Variants in FOXF1 observed in about 807,000 individuals in gnomAD.
FOXF1 encodes the protein forkhead box F1.
Under a neutral mutation model 26.6 loss-of-function variants are expected in FOXF1, and 9 were observed. The observed-to-expected ratio is 0.34, with a 90% CI of 0.20 to 0.59. The LOEUF is 0.59. FOXF1 is among the 20% of genes least tolerant of loss of function. The pLI, the probability that FOXF1 is intolerant of heterozygous loss-of-function variation, is 0.83. For synonymous variants in FOXF1, 330 were observed against 257.7 expected (o/e 1.28, Z -2.69); for missense variants, 499 against 549.9 (o/e 0.91, Z 0.93).
rs1969595847 is a variant in FOXF1, at chr16:86,513,198, C to T, written c.*113C>T. ...AACCGTCGGCAGAAGAAAAGGGTTC[C>T]ACCTCTCCCCAACCGGAGTTTTTGG... On this transcript the variant is annotated 3_prime_UTR_variant, in exon 2 of 2. Transcript: ENST00000262426. The T allele has an allele frequency of 8.6e-7, 1 of 1,164,676 alleles. No homozygotes were observed. The highest frequency in any genetic ancestry group is 1.2e-6 in the Non-Finnish European group (1 of 817,466). 72.1% of individuals were successfully genotyped at this position (1,164,676 alleles called of 1,614,324 possible).
rs1351554601 is a variant in FOXF1 at position 86,510,629 on chromosome 16, G to GGGA, written c.63_65dup (p.Gly23dup). ...ACGGCGGCGGCGGCGGCGGCGGCGG[G>GGGA]GGAGGCGGCGCGGCCATGGACCCCG... is the stretch of plus-strand genomic sequence containing the variant. On this transcript the variant is annotated inframe_insertion, in exon 1 of 2. Transcript: ENST00000262426. The GGGA allele has an allele frequency of 7.1e-7, 1 of 1,402,710 alleles. No homozygotes were observed. Among genetic ancestry groups the GGGA allele is most frequent in the African/African-American group, 1.5e-5 (1 of 66,048 alleles). The allele number at this position is 1,402,710 out of a possible 1,614,324, so 86.9% of individuals were successfully genotyped here.
In FOXF1 at chr16:86,510,654, G is replaced by T. The variant is rs373503439; in HGVS notation, c.85G>T (p.Ala29Ser). 53 of 1,600,108 alleles carry T rather than the reference G, an allele frequency of 3.3e-5. No individual in the cohort carries two copies. The highest frequency in any genetic ancestry group is 2.5e-4 in the Admixed American group (15 of 58,958). The change falls in exon 1 of 2, where the codon GCG (alanine) becomes TCG (serine). Residue 29 changes from alanine to serine, a missense_variant. Transcript: ENST00000262426. The stretch of plus-strand genomic sequence containing the variant: ...GGGAGGCGGCGCGGCCATGGACCCC[G>T]CGTCGTCCGGCCCGTCCAAGGCCAA... ...GGGGGAAMDP[A>S]SSGPSKAKKT...
rs1031206293 is a variant in FOXF1 at position 86,510,833 on chromosome 16, C to T, written c.264C>T (p.Ser88=). The T allele has an allele frequency of 1.5e-5, 25 of 1,614,004 alleles. No individual in the cohort carries two copies. Among genetic ancestry groups the T allele is most frequent in the Non-Finnish European group, 2.1e-5 (25 of 1,180,040 alleles). The change falls in exon 1 of 2, where the codon TCC becomes TCT. Residue 88 remains serine (S), a synonymous_variant. Transcript: ENST00000262426. ...GCCGCTTCCCCTTCTTCCGGGGCTC[C>T]TACCAGGGCTGGAAGAACTCCGTGC... The part of the protein sequence containing the change: ...LQSRFPFFRG[S]YQGWKNSVRH...
chr16:86,511,060 A>G lies in FOXF1; in HGVS notation c.491A>G (p.Asn164Ser), dbSNP rs1411599195. 2.5e-6 allele frequency: 4 copies of G among 1,610,532 alleles called. No individual in the cohort carries two copies. The highest frequency in any genetic ancestry group is 2.2e-5 in the South Asian group (2 of 91,076). ...MYSMMNGLGF[N>S]HLPDTYGFQG... ...AGCATGATGAACGGGCTCGGCTTCA[A>G]CCACCTCCCGGACACCTACGGCTTC... The change falls in exon 1 of 2, where the codon AAC becomes AGC. Residue 164 changes from asparagine (N) to serine (S), a missense_variant. Around this residue, in one of 5 missense-constraint regions of FOXF1, gnomAD observed 367 missense variants for 324.8 expected, o/e 1.13. Transcript: ENST00000262426.
chr16:86,510,604 A>ACGG lies in FOXF1; in HGVS notation c.57_59dup (p.Gly23dup), dbSNP rs574179816. On this transcript the variant is annotated inframe_insertion, in exon 1 of 2. Coordinates refer to ENST00000262426, the MANE Select transcript of FOXF1 (RefSeq NM_001451.3). ...GCGCCCGAGAAGCAGCAGCCACCGCACGGCGGCGGCGGCGGCGGCGGCGGG... is the reference window on the plus strand; with the variant it reads ...GCGCCCGAGAAGCAGCAGCCACCGCACGGCGGCGGCGGCGGCGGCGGCGGCGGG... The ACGG allele has an allele frequency of 1.7e-3, 2,346 of 1,379,102 alleles. 2 individuals are homozygous for ACGG. The highest frequency in any genetic ancestry group is 4.2e-3 in the East Asian group (142 of 33,614). 85.4% of individuals were successfully genotyped at this position (1,379,102 alleles called of 1,614,324 possible).
chr16:86,512,768 C>T (rs1227449632), intron 1 of FOXF1, among the ~76,000 whole-genome samples, 157 bp from the exon 2 acceptor site: 1 of 152,048 alleles, frequency 6.6e-6, no homozygotes, highest in Non-Finnish European at 1.5e-5. Context: ...GCTGGAAGGC[C>T]GGGACTCGGG....
chr16:86,513,077 G>C lies in FOXF1; in HGVS notation c.1132G>C (p.Val378Leu). ...QVTYQDIKPC[V>L]M ...CACCTACCAAGACATCAAGCCTTGC[G>C]TGATGTGAGGCTGCCGCCGCAGGCC... Residue 378 changes from valine (V) to leucine (L), a missense_variant, in exon 2 of 2, where the codon GTG becomes CTG. Around this residue, in one of 5 missense-constraint regions of FOXF1, gnomAD observed 367 missense variants for 324.8 expected, o/e 1.13. Coordinates refer to ENST00000262426, the MANE Select transcript of FOXF1 (RefSeq NM_001451.3). 6.2e-7 allele frequency: 1 copy of C among 1,611,604 alleles called. No individual in the cohort carries two copies. The highest frequency in any genetic ancestry group is 8.5e-7 in the Non-Finnish European group (1 of 1,179,998).
Position 86,514,821 on chromosome 16 carries a change from G to A in FOXF1, c.*1736G>A. Reference sequence around the variant, plus strand: ...CATACATATGGATATACATATATATGTATATACATATATGTACATATATGT... The same window carrying A: ...CATACATATGGATATACATATATATATATATACATATATGTACATATATGT... On this transcript the variant is annotated 3_prime_UTR_variant, in exon 2 of 2. Transcript: ENST00000262426. 1 of 151,228 alleles carries A rather than the reference G, an allele frequency of 6.6e-6. No individual in the cohort carries two copies. The highest frequency in any genetic ancestry group is 1.9e-4 in the East Asian group (1 of 5,178). 9.4% of individuals were successfully genotyped at this position (151,228 alleles called of 1,614,324 possible). A position where few individuals can be genotyped will look rare whatever the true frequency, so the allele number is the denominator to read the frequency against.
In FOXF1 at chr16:86,510,556, G is replaced by A; in HGVS notation, c.-14G>A. ...AGCAGCGGCGGCAGCGGCGGCGGCG[G>A]CAGCAGCCACCCGATGTCTTCGGCG... On this transcript the variant is annotated 5_prime_UTR_variant, in exon 1 of 2. Transcript: ENST00000262426. 1 of 1,314,906 alleles carries A rather than the reference G, an allele frequency of 7.6e-7. No individual in the cohort carries two copies. The allele number at this position is 1,314,906 out of a possible 1,614,324, so 81.5% of individuals were successfully genotyped here.
rs1969619505 is a variant in FOXF1, at chr16:86,514,612, TTTCACTC to T, written c.*1532_*1538del. 6.6e-6 allele frequency: 1 copy of T among 152,174 alleles called. No individual in the cohort carries two copies. The highest frequency in any genetic ancestry group is 1.5e-5 in the Non-Finnish European group (1 of 68,026). 9.4% of individuals were successfully genotyped at this position (152,174 alleles called of 1,614,324 possible). ...TTTCTTTTTTGGCAAATCCTCCTCT[TTTCACTC>T]TTCATTCCACTTTGAAGTAAACGCT... is the stretch of plus-strand genomic sequence containing the variant. On this transcript the variant is annotated 3_prime_UTR_variant, in exon 2 of 2. Transcript: ENST00000262426.
chr16:86,514,823 A>G lies in FOXF1; in HGVS notation c.*1738A>G, dbSNP rs1446106625. ...TACATATGGATATACATATATATGT[A>G]TATACATATATGTACATATATGTAT... On this transcript the variant is annotated 3_prime_UTR_variant, in exon 2 of 2. Coordinates refer to ENST00000262426, the MANE Select transcript of FOXF1 (RefSeq NM_001451.3). 1 of 151,388 alleles carries G rather than the reference A, an allele frequency of 6.6e-6. No homozygotes were observed. The highest frequency in any genetic ancestry group is 1.5e-5 in the Non-Finnish European group (1 of 67,634). 9.4% of individuals were successfully genotyped at this position (151,388 alleles called of 1,614,324 possible).
chr16:86,512,797 GC>G (rs1274616173), intron 1 of FOXF1, 127 bp from the exon 2 acceptor site: 2 of 1,084,238 alleles, frequency 1.8e-6, no homozygotes, highest in African/African-American at 3.1e-5. Flanking sequence ...CGGGGAGGCG[GC>G]CGTGCTCTGG....
At position 86,514,244 on chromosome 16, in the gene FOXF1, C is replaced by T. The variant is rs913660072; in HGVS notation, c.*1159C>T. ...AATATATATATAATATGAAGGACTA[C>T]CCTCCTTTTTTTTTTTTGTATTTTG... On this transcript the variant is annotated 3_prime_UTR_variant, in exon 2 of 2. Coordinates refer to ENST00000262426, the MANE Select transcript of FOXF1 (RefSeq NM_001451.3). 18 of 82,714 alleles carry T rather than the reference C, an allele frequency of 2.2e-4. No homozygotes were observed. Among genetic ancestry groups the T allele is most frequent in the African/African-American group, 6.7e-4 (18 of 26,926 alleles). 5.1% of individuals were successfully genotyped at this position (82,714 alleles called of 1,614,324 possible).
Position 86,513,227 on chromosome 16 carries a change from G to T in FOXF1, c.*142G>T, listed in dbSNP as rs1969596356. The T allele has an allele frequency of 1.2e-6, 1 of 808,770 alleles. No individual in the cohort carries two copies. The highest frequency in any genetic ancestry group is 2.3e-5 in the Admixed American group (1 of 43,698). 50.1% of individuals were successfully genotyped at this position (808,770 alleles called of 1,614,324 possible). ...TCTCCCCAACCGGAGTTTTTGGCAA[G>T]GAGTCCCCAATGCAAAGACACAGCG... On this transcript the variant is annotated 3_prime_UTR_variant, in exon 2 of 2. Coordinates refer to ENST00000262426, the MANE Select transcript of FOXF1 (RefSeq NM_001451.3).
rs918908577 is a variant in FOXF1 at position 86,514,041 on chromosome 16, A to G, written c.*956A>G. On this transcript the variant is annotated 3_prime_UTR_variant, in exon 2 of 2. Transcript: ENST00000262426. ...AAAAACTATAGCAAGGCTCCTGTTT[A>G]TTTATTCTACTTTCTTTCCCTAATA... 4 of 152,192 alleles carry G rather than the reference A, an allele frequency of 2.6e-5. No individual in the cohort carries two copies. Among genetic ancestry groups the G allele is most frequent in the Non-Finnish European group, 4.4e-5 (3 of 68,026 alleles). 9.4% of individuals were successfully genotyped at this position (152,192 alleles called of 1,614,324 possible).
chr16:86,512,243 C>T (rs1394758387), intron 1 of FOXF1, among the ~76,000 whole-genome samples: 1 of 151,920 alleles, frequency 6.6e-6, no homozygotes, highest in African/African-American at 2.4e-5. Flanking sequence ...ATACCCCGAA[C>T]ATGCAGAAGC....
chr16:86,511,409 C>G lies in FOXF1; in HGVS notation c.840C>G (p.Ser280Arg), dbSNP rs753145526. ...WPPSASAALN[S>R]GASYIKQQPL... ...CCTCGGCGTCCGCGGCGCTCAACAGCGGCGCCTCTTATATCAAGCAGCAGC... is the reference window on the plus strand; with the variant it reads ...CCTCGGCGTCCGCGGCGCTCAACAGGGGCGCCTCTTATATCAAGCAGCAGC... Residue 280 changes from serine (S) to arginine (R), a missense_variant, in exon 1 of 2, where the codon AGC (serine) becomes AGG (arginine). Physicochemically the swap from Ser to Arg is moderately radical, Grantham distance 110. This residue lies in a region of FOXF1 where 367 missense variants were observed against 324.8 expected (regional missense o/e 1.13). Coordinates refer to ENST00000262426, the MANE Select transcript of FOXF1 (RefSeq NM_001451.3). 1.9e-6 allele frequency: 3 copies of G among 1,592,142 alleles called. No individual in the cohort carries two copies. Among genetic ancestry groups the G allele is most frequent in the Non-Finnish European group, 2.5e-6 (3 of 1,177,102 alleles).
At chr16:86,512,230 C>T (rs1358851798) in intron 1 of FOXF1, among the ~76,000 whole-genome samples, 1 of 152,190 alleles carries the variant, frequency 6.6e-6, no homozygotes, top group Non-Finnish European at 1.5e-5. Context: ...CCCTGATACC[C>T]CAATACCCCG....
rs927798101 is a variant in FOXF1 at position 86,514,062 on chromosome 16, T to G, written c.*977T>G. 6.6e-6 allele frequency: 1 copy of G among 152,228 alleles called. No homozygotes were observed. Among genetic ancestry groups the G allele is most frequent in the African/African-American group, 2.4e-5 (1 of 41,466 alleles). 9.4% of individuals were successfully genotyped at this position (152,228 alleles called of 1,614,324 possible). ...GTTTATTTATTCTACTTTCTTTCCC[T>G]AATAATCAAAACACCGCGTAGGCTC... On this transcript the variant is annotated 3_prime_UTR_variant, in exon 2 of 2. Coordinates refer to ENST00000262426, the MANE Select transcript of FOXF1 (RefSeq NM_001451.3).
Sources: gnomAD v4.1 joint callset for allele counts (sites outside exome capture counted in the v4.1 genomes callset) on GRCh38, gnomAD v4.1.1 for gene constraint, gnomAD v4.1.1 regional missense constraint, MANE v1.5 for transcripts, NCBI Gene and HGNC (gene_info 2026-07-23, HGNC 2026-07-21) for gene names.